The following NAALADL2 variants were observed in gnomAD, a reference collection of about 807,000 sequenced individuals.
NAALADL2 encodes the protein N-acetylated alpha-linked acidic dipeptidase like 2, also known as inactive N-acetylated-alpha-linked acidic dipeptidase-like protein 2.
NAALADL2 carries 76 observed loss-of-function variants against 87.2 expected under a neutral mutation model. That is an observed-to-expected ratio of 0.87 (90% confidence interval 0.72 to 1.05). NAALADL2 has a LOEUF of 1.05. NAALADL2 is among the 50% of genes least tolerant of loss of function. NAALADL2 has a pLI of 0.00. For synonymous variants in NAALADL2, 354 were observed against 331.0 expected (o/e 1.07, Z -0.75); for missense variants, 1,089 against 945.8 (o/e 1.15, Z -1.99).
At chr3:174,643,558 G>T (rs1723474918) in intron 2 of NAALADL2, among the ~76,000 whole-genome samples, 1 of 152,086 alleles carries the variant, frequency 6.6e-6, no homozygotes, top group African/African-American at 2.4e-5. Flanking sequence ...GGAGGCTGAG[G>T]CAGGAGAATC....
At chr3:175,272,853 T>C (rs1753048776) in intron 4 of NAALADL2, among the ~76,000 whole-genome samples, 1 of 152,072 alleles carries the variant, frequency 6.6e-6, no homozygotes, top group Non-Finnish European at 1.5e-5. Context: ...ATATTTTACT[T>C]TTAAGTATAA....
chr3:175,663,448 T>C (rs1046336518), intron 11 of NAALADL2, among the ~76,000 whole-genome samples: 53 of 151,854 alleles, frequency 3.5e-4, no homozygotes, highest in African/African-American at 1.3e-3. Flanking sequence ...CTCTATTTTT[T>C]AGTTGTCCTT....
intron 6 of NAALADL2, among the ~76,000 whole-genome samples, chr3:175,458,810 T>C (rs1422724303): frequency 6.6e-6 from 1 of 152,050 alleles, no homozygotes; most frequent in Non-Finnish European, 1.5e-5. Flanking sequence ...ATTCACTCTA[T>C]ATCAAATGTT....
intron 1 of NAALADL2, among the ~76,000 whole-genome samples, chr3:174,499,256 G>T (rs1015489502): frequency 4.6e-5 from 7 of 151,962 alleles, no homozygotes; most frequent in African/African-American, 1.7e-4. Context: ...TTTCAATTGG[G>T]TTTTTGTTAA....
At chr3:175,595,734 C>A (rs1722165184) in intron 10 of NAALADL2, among the ~76,000 whole-genome samples, 1 of 151,592 alleles carries the variant, frequency 6.6e-6, no homozygotes, top group Admixed American at 6.7e-5. Context: ...TGAAAGAAAT[C>A]AGAGACTACA....
At chr3:175,117,669 G>A (rs1007950167) in intron 2 of NAALADL2, among the ~76,000 whole-genome samples, 1 of 151,108 alleles carries the variant, frequency 6.6e-6, no homozygotes, top group Non-Finnish European at 1.5e-5. Flanking sequence ...CTGTTGGTGG[G>A]ACTGTAAACT....
chr3:175,047,442 C>G (rs1452348350), intron 1 of NAALADL2, among the ~76,000 whole-genome samples: 2 of 152,058 alleles, frequency 1.3e-5, no homozygotes, highest in Non-Finnish European at 2.9e-5. Flanking sequence ...ATTCTTCAAA[C>G]ATTTATTTAT....
chr3:174,695,255 T>A (rs1728916156), intron 2 of NAALADL2, among the ~76,000 whole-genome samples: 1 of 152,044 alleles, frequency 6.6e-6, no homozygotes, highest in Non-Finnish European at 1.5e-5. Flanking sequence ...TAGAATTTTA[T>A]GTAATGAGAA....
intron 2 of NAALADL2, among the ~76,000 whole-genome samples, chr3:174,613,665 C>A (rs1202693867): frequency 6.6e-6 from 1 of 152,178 alleles, no homozygotes; most frequent in African/African-American, 2.4e-5. Context: ...TTGCCTGAGA[C>A]TTACCTTCAG....
chr3:175,191,284 A>G (rs919488449), intron 2 of NAALADL2, among the ~76,000 whole-genome samples: 10 of 152,174 alleles, frequency 6.6e-5, no homozygotes, highest in Non-Finnish European at 1.5e-4. Flanking sequence ...ATTATAGCCA[A>G]TTCAGGCACA....
At position 174,592,129 on chromosome 3, in the gene NAALADL2, A is replaced by G. The variant is rs1040370671; in HGVS notation, c.-115+41492A>G. 5.3e-5 allele frequency among the ~76,000 whole-genome samples: 8 copies of G among 152,286 alleles called. No individual in the cohort carries two copies. In the South Asian group the frequency reaches 1.7e-3, roughly 32 times the overall value. On this transcript the variant is annotated intron_variant, in intron 2 of 3. Transcript: ENST00000434257. ...ACTGATTGAGAGATGTTATTCAGTA[A>G]TTTATTGTGAAGAAAGATGGCCTAG...
intron 5 of NAALADL2, among the ~76,000 whole-genome samples, chr3:175,381,927 A>G (rs908016070): frequency 6.6e-6 from 1 of 152,096 alleles, no homozygotes; most frequent in Non-Finnish European, 1.5e-5. Flanking sequence ...GCTCTTTTGA[A>G]GGATGGTTTT....
chr3:174,776,010 T>A (rs1422404845), intron 3 of NAALADL2, among the ~76,000 whole-genome samples: 2 of 152,186 alleles, frequency 1.3e-5, no homozygotes, highest in Non-Finnish European at 2.9e-5. Flanking sequence ...TATTTATTTG[T>A]TGTCTTCTTT....
intron 2 of NAALADL2, among the ~76,000 whole-genome samples, chr3:174,722,140 C>T (rs755279869): frequency 6.6e-6 from 1 of 152,128 alleles, no homozygotes; most frequent in South Asian, 2.1e-4. Context: ...ACAGTATCTC[C>T]TCCATCACTC....
chr3:175,037,578 C>G (rs1753567025), intron 1 of NAALADL2, among the ~76,000 whole-genome samples: 1 of 152,078 alleles, frequency 6.6e-6, no homozygotes, highest in African/African-American at 2.4e-5. Flanking sequence ...TACCAGAGCT[C>G]CATGGCAGAG....
chr3:175,641,433 G>A (rs1192231304), intron 11 of NAALADL2, among the ~76,000 whole-genome samples: 1 of 152,148 alleles, frequency 6.6e-6, no homozygotes, highest in Non-Finnish European at 1.5e-5. Context: ...CTTGAGGGTA[G>A]AAACTAGGTC....
intron 2 of NAALADL2, among the ~76,000 whole-genome samples, chr3:174,708,428 TC>T (rs1173503088): frequency 6.6e-6 from 1 of 152,216 alleles, no homozygotes; most frequent in Non-Finnish European, 1.5e-5. Flanking sequence ...GAGTGATATA[TC>T]ATTTATTCCA....
chr3:175,674,700 T>A (rs1427724657), intron 11 of NAALADL2, among the ~76,000 whole-genome samples: 1 of 152,180 alleles, frequency 6.6e-6, no homozygotes, highest in African/African-American at 2.4e-5. Context: ...GTTTTTATGT[T>A]TAAAAATGAG....
intron 1 of NAALADL2, among the ~76,000 whole-genome samples, 154 bp downstream of exon 1, chr3:174,859,604 G>A (rs1463320854): frequency 1.3e-5 from 2 of 152,106 alleles, no homozygotes; most frequent in Non-Finnish European, 2.9e-5. Flanking sequence ...TTTTCTGCGA[G>A]CGAGAAAAGA....
Sources: allele counts gnomAD v4.1 joint callset (sites outside exome capture counted in the v4.1 genomes callset), GRCh38; gene constraint gnomAD v4.1.1; transcripts MANE v1.5; gene names NCBI Gene and HGNC (gene_info 2026-07-23, HGNC 2026-07-21).